PTPRN2: variants seen among roughly 807,000 people sequenced by gnomAD.
PTPRN2 encodes receptor-type tyrosine-protein phosphatase N2.
PTPRN2 carries 74 observed loss-of-function variants against 118.8 expected under a neutral mutation model. The ratio of observed to expected loss-of-function variants is 0.62; its 90% confidence interval spans 0.52 to 0.76. The LOEUF (loss-of-function observed/expected upper bound fraction) is 0.76, where lower values mean the gene tolerates loss of function less well. PTPRN2 is among the 30% of genes least tolerant of loss of function. The pLI is 0.00. For synonymous variants in PTPRN2, 641 were observed against 608.0 expected (o/e 1.05, Z -0.80); for missense variants, 1,481 against 1,394.4 (o/e 1.06, Z -0.99).
At chr7:157,995,146 C>T (rs140834057) in intron 11 of PTPRN2, among the ~76,000 whole-genome samples, 4 of 144,724 alleles carry the variant, frequency 2.8e-5, no homozygotes, top group African/African-American at 8.3e-5. Flanking sequence ...CAGCTTACAA[C>T]TCCTTGTTCC....
At chr7:158,280,821 C>T (rs1301871667) in intron 3 of PTPRN2, among the ~76,000 whole-genome samples, 3 of 152,244 alleles carry the variant, frequency 2.0e-5, no homozygotes, top group African/African-American at 7.2e-5. Context: ...TCTCCCGAGA[C>T]TGAAATGACA....
chr7:158,424,534 G>C (rs1815535645), intron 2 of PTPRN2, among the ~76,000 whole-genome samples: 1 of 152,196 alleles, frequency 6.6e-6, no homozygotes, highest in South Asian at 2.1e-4. Context: ...ACCTGTCTCT[G>C]GCTACATTCA....
Position 157,590,652 on chromosome 7 carries a change from C to T in PTPRN2, c.2496+4586G>A, listed in dbSNP as rs150533198. 2.8e-3 allele frequency among the ~76,000 whole-genome samples: 430 copies of T among 151,784 alleles called. 3 individuals are homozygous for T. The highest frequency in any genetic ancestry group is 9.5e-3 in the African/African-American group (393 of 41,556). On this transcript the variant is annotated intron_variant, in intron 17 of 22. Coordinates refer to ENST00000389418, the MANE Select transcript of PTPRN2 (RefSeq NM_002847.5). This position sits in a 1 kb window ranked among gnomAD's most constrained non-coding sequence, Gnocchi z 4.0. ...CAGAGGTGCTGTGGGCCCTGCGGGA[C>T]GGGGAGCTGATGGGGCCTCGCGGTG...
intron 2 of PTPRN2, among the ~76,000 whole-genome samples, chr7:158,374,217 T>C (rs1258995474): frequency 6.6e-6 from 1 of 152,160 alleles, no homozygotes; most frequent in Non-Finnish European, 1.5e-5. Context: ...GGGGAAGAGC[T>C]GGGTCTCAAA....
intron 5 of PTPRN2, among the ~76,000 whole-genome samples, chr7:158,183,580 T>C (rs985275952): frequency 3.3e-5 from 5 of 152,246 alleles, no homozygotes; most frequent in Non-Finnish European, 7.3e-5. Context: ...CCCCAATCCA[T>C]GCTGGAGACT....
At chr7:158,462,917 A>G (rs1819109285) in intron 2 of PTPRN2, among the ~76,000 whole-genome samples, 1 of 152,258 alleles carries the variant, frequency 6.6e-6, no homozygotes, top group Admixed American at 6.5e-5. Context: ...ATAGCAGTGC[A>G]ACAACTTGGG....
intron 11 of PTPRN2, among the ~76,000 whole-genome samples, chr7:158,010,170 A>G (rs1805941258): frequency 6.6e-6 from 1 of 152,180 alleles, no homozygotes; most frequent in African/African-American, 2.4e-5. Flanking sequence ...AGCACAAGGT[A>G]AAGCCTCAAC....
intron 5 of PTPRN2, among the ~76,000 whole-genome samples, chr7:158,188,385 GCC>G (rs1563577177): frequency 0.011 from 543 of 47,742 alleles, 118 homozygotes; most frequent in African/African-American, 0.029. Flanking sequence ...CGCCACGCTC[GCC>G]CCGCGATGGG....
chr7:158,358,728 C>G (rs189820844), intron 2 of PTPRN2, among the ~76,000 whole-genome samples: 43 of 152,356 alleles, frequency 2.8e-4, no homozygotes, highest in African/African-American at 1.0e-3. Flanking sequence ...TCCGATTGCA[C>G]TGATACGTGG....
At chr7:158,343,732 G>A (rs1324159470) in intron 2 of PTPRN2, among the ~76,000 whole-genome samples, 1 of 151,680 alleles carries the variant, frequency 6.6e-6, no homozygotes, top group Non-Finnish European at 1.5e-5. Context: ...GGCTGTCGCG[G>A]CTGCTCCCGG....
At position 158,469,704 on chromosome 7, in the gene PTPRN2, G is replaced by A. The variant is rs115137742; in HGVS notation, c.163+20031C>T. Among the ~76,000 whole-genome samples, 863 of 142,522 alleles carry A rather than the reference G, an allele frequency of 6.1e-3. 6 individuals carry two copies. The highest frequency in any genetic ancestry group is 0.022 in the African/African-American group (806 of 37,296). 93.5% of individuals were successfully genotyped at this position (142,522 alleles called of 152,430 possible). A position where few individuals can be genotyped will look rare whatever the true frequency, so the allele number is the denominator to read the frequency against. ...TAAAAACACCAAAGAGCATCTGTTC[G>A]TGCCCCAGCAAGTGAGAGAGAAAAC... On this transcript the variant is annotated intron_variant, in intron 2 of 22. Transcript: ENST00000389418.
intron 2 of PTPRN2, among the ~76,000 whole-genome samples, chr7:158,365,324 G>A (rs895526798): frequency 6.6e-6 from 1 of 152,134 alleles, no homozygotes; most frequent in South Asian, 2.1e-4. Flanking sequence ...TCTGACAACG[G>A]CAATTTTTGT....
Position 158,368,425 on chromosome 7 carries a change from G to A in PTPRN2, c.164-51493C>T, listed in dbSNP as rs527969296. ...AATGGTATTCCTACCAGCATCACTG[G>A]CTGGGCTAGCACTGATCACAGTGAT... On this transcript the variant is annotated intron_variant, in intron 2 of 22. Transcript: ENST00000389418. 3.9e-5 allele frequency among the ~76,000 whole-genome samples: 6 copies of A among 152,316 alleles called. 1 individual carries two copies. In the South Asian group the frequency reaches 1.2e-3, roughly 32 times the overall value.
At chr7:158,524,473 CTGCCCTGGAGCGGA>C (rs1389352884) in intron 1 of PTPRN2, among the ~76,000 whole-genome samples, 27 of 126,428 alleles carry the variant, frequency 2.1e-4, no homozygotes, top group South Asian at 3.4e-4. Flanking sequence ...GGAGCGGAGT[CTGCCCTGGAGCGGA>C]GTCTGCCCTG....
At chr7:157,969,640 G>T (rs978964080) in intron 11 of PTPRN2, among the ~76,000 whole-genome samples, 3 of 152,048 alleles carry the variant, frequency 2.0e-5, no homozygotes, top group African/African-American at 7.2e-5. Context: ...TGTGGACAGG[G>T]TCTGAATGGG....
At chr7:158,230,562 G>T (rs116938591) in intron 3 of PTPRN2, among the ~76,000 whole-genome samples, 8,727 of 151,380 alleles carry the variant, frequency 0.058, 333 homozygotes, top group South Asian at 0.13. Context: ...TTTTTTCTTT[G>T]TTTCTATTCT....
chr7:157,984,893 C>T (rs1023727520), intron 11 of PTPRN2, among the ~76,000 whole-genome samples: 2 of 152,234 alleles, frequency 1.3e-5, no homozygotes, highest in African/African-American at 4.8e-5. Context: ...CCCTCACTGT[C>T]GGCCTCAGGC....
Position 158,451,045 on chromosome 7 carries a change from T to G in PTPRN2, c.163+38690A>C, listed in dbSNP as rs1021440145. On this transcript the variant is annotated intron_variant, in intron 2 of 22. Coordinates refer to ENST00000389418, the MANE Select transcript of PTPRN2 (RefSeq NM_002847.5). Reference sequence around the variant, plus strand: ...GTGCTTCCGGTTTTTGCCCGTCTAGTAGGGGAGCTGCTGAATTTCATACGG... The same window carrying G: ...GTGCTTCCGGTTTTTGCCCGTCTAGGAGGGGAGCTGCTGAATTTCATACGG... Among the ~76,000 whole-genome samples the G allele has an allele frequency of 9.2e-5, 14 of 152,356 alleles. 1 individual carries two copies. The highest frequency in any genetic ancestry group is 7.2e-4 in the Admixed American group (11 of 15,296).
intron 8 of PTPRN2, among the ~76,000 whole-genome samples, chr7:158,134,986 G>A (rs545327538): frequency 3.3e-5 from 5 of 152,200 alleles, no homozygotes; most frequent in South Asian, 2.1e-4. Flanking sequence ...CCCCTGGGCC[G>A]CACTGCCCTC....
Sources: allele counts gnomAD v4.1 joint callset (sites outside exome capture counted in the v4.1 genomes callset), GRCh38; gene constraint gnomAD v4.1.1; non-coding constraint Gnocchi (gnomAD v3.1); transcripts MANE v1.5; gene names NCBI Gene and HGNC (gene_info 2026-07-23, HGNC 2026-07-21).